EYS: variants seen among roughly 807,000 people sequenced by gnomAD.
The protein encoded by EYS is protein eyes shut homolog.
In EYS, 250 loss-of-function variants were observed where a neutral mutation model predicts 282.1. That is an observed-to-expected ratio of 0.89 (90% CI 0.80 to 0.98). The LOEUF (loss-of-function observed/expected upper bound fraction) is 0.98, where lower values mean the gene tolerates loss of function less well. Among genes scored for constraint, EYS ranks in the 50% least tolerant of loss-of-function variants. EYS has a pLI of 0.00. For missense variants in EYS, 4,016 were observed against 3,709.0 expected (o/e 1.08, Z -2.15); for synonymous variants, 1,355 against 1,282.9 (o/e 1.06, Z -1.20).
At chr6:65,123,750 C>G (rs1343635528) in intron 12 of EYS, among the ~76,000 whole-genome samples, 2 of 140,776 alleles carry the variant, frequency 1.4e-5, no homozygotes, top group African/African-American at 5.8e-5. Flanking sequence ...CTTATAACAC[C>G]CACCCACCCA....
chr6:64,789,956 G>A (rs1203948363), intron 22 of EYS, among the ~76,000 whole-genome samples: 1 of 151,748 alleles, frequency 6.6e-6, no homozygotes, highest in Non-Finnish European at 1.5e-5. Flanking sequence ...CTAGTTTGTG[G>A]TGGGAAGCAA....
intron 31 of EYS, among the ~76,000 whole-genome samples, chr6:64,147,863 A>G (rs982388718): frequency 6.6e-6 from 1 of 152,196 alleles, no homozygotes; most frequent in Non-Finnish European, 1.5e-5. Flanking sequence ...GATGGAGTGC[A>G]GCTTCCCTGC....
chr6:64,840,819 TAC>T (rs139379467), intron 19 of EYS, among the ~76,000 whole-genome samples: 8,829 of 152,218 alleles, frequency 0.058, 263 homozygotes, highest in East Asian at 0.1. Context: ...TGTCCAATAC[TAC>T]AGTTTTCAGC....
intron 36 of EYS, among the ~76,000 whole-genome samples, chr6:63,839,066 GA>G (rs1348587389): frequency 6.6e-6 from 1 of 152,058 alleles, no homozygotes; most frequent in Non-Finnish European, 1.5e-5. Flanking sequence ...TTTCTGTTGG[GA>G]AGAGTCAAAA....
At chr6:64,293,828 CAG>C (rs1331116785) in intron 30 of EYS, among the ~76,000 whole-genome samples, 1 of 151,998 alleles carries the variant, frequency 6.6e-6, no homozygotes, top group Non-Finnish European at 1.5e-5. Context: ...TAAGGCTATT[CAG>C]AGAGTCATTA....
chr6:63,931,439 C>T (rs888917703), intron 35 of EYS, among the ~76,000 whole-genome samples: 1 of 152,142 alleles, frequency 6.6e-6, no homozygotes, highest in African/African-American at 2.4e-5. Context: ...ATCTTTTGTT[C>T]TTTTTGTAAT....
At chr6:65,364,157 C>A (rs1310496478) in intron 8 of EYS, among the ~76,000 whole-genome samples, 1 of 150,606 alleles carries the variant, frequency 6.6e-6, no homozygotes, top group East Asian at 1.9e-4. Flanking sequence ...TGATACATCA[C>A]ATCATTTGAT....
rs1582930224 is a variant in EYS at position 64,591,595 on chromosome 6, C to T, written c.4272G>A (p.Thr1424=). 3 of 1,550,938 alleles carry T rather than the reference C, an allele frequency of 1.9e-6. No individual in the cohort carries two copies. Among genetic ancestry groups the T allele is most frequent in the Admixed American group, 2.0e-5 (1 of 50,918 alleles). ...CQTVALSATP[T]TSVIRSIPGA... is the part of the protein sequence containing the mutation. ...CTGGAATGCTTCTAATTACTGAAGTCGTTGGGGTAGCAGATAAAGCAACAG... is the reference window on the plus strand; with the variant it reads ...CTGGAATGCTTCTAATTACTGAAGTTGTTGGGGTAGCAGATAAAGCAACAG... The change falls in exon 26 of 43, where the codon ACG becomes ACA. Residue 1424 remains threonine (T), a synonymous_variant. Transcript: ENST00000503581.
At chr6:64,305,686 C>A (rs1193113745) in intron 30 of EYS, among the ~76,000 whole-genome samples, 2 of 152,102 alleles carry the variant, frequency 1.3e-5, no homozygotes, top group Non-Finnish European at 2.9e-5. Context: ...CCACATACAA[C>A]AGAATGACCC....
chr6:64,698,608 C>T (rs890350007), intron 22 of EYS, among the ~76,000 whole-genome samples: 9 of 151,640 alleles, frequency 5.9e-5, no homozygotes, highest in East Asian at 3.9e-4. Context: ...TAATATGGAC[C>T]GTCTATAAGA....
intron 22 of EYS, among the ~76,000 whole-genome samples, chr6:64,697,427 G>T (rs974883595): frequency 2.0e-5 from 3 of 152,150 alleles, no homozygotes; most frequent in Admixed American, 6.5e-5. Flanking sequence ...AGACAGCAAT[G>T]CAATCATATT....
chr6:65,448,093 T>C lies in EYS; in HGVS notation c.862+42501A>G, dbSNP rs943375761. On this transcript the variant is annotated intron_variant, in intron 5 of 42. Coordinates refer to ENST00000503581, the MANE Select transcript of EYS (RefSeq NM_001142800.2). Reference sequence around the variant, plus strand: ...ATTTTTCTTTGTTCAGACAAATTATTTGAGGGAAGTTAAACATCACTTGCC... The same window carrying C: ...ATTTTTCTTTGTTCAGACAAATTATCTGAGGGAAGTTAAACATCACTTGCC... Among the ~76,000 whole-genome samples the C allele has an allele frequency of 4.8e-4, 73 of 151,998 alleles. 2 individuals are homozygous for C. Among genetic ancestry groups the C allele is most frequent in the Admixed American group, 4.8e-3 (73 of 15,214 alleles).
intron 35 of EYS, among the ~76,000 whole-genome samples, chr6:63,928,791 C>G (rs1436592029): frequency 6.6e-6 from 1 of 152,104 alleles, no homozygotes; most frequent in African/African-American, 2.4e-5. Flanking sequence ...TGATACCCTA[C>G]CAAGCTTCCT....
At position 65,698,114 on chromosome 6, in the gene EYS, A is replaced by C. The variant is rs760710514; in HGVS notation, c.-448+9021T>G. ...TGGGGGAAGGAATGTATTATTTCAA[A>C]TACGGTATCTGGGAAATACTTATTT... is the stretch of plus-strand genomic sequence containing the variant. On this transcript the variant is annotated intron_variant, in intron 1 of 42. Coordinates refer to ENST00000503581, the MANE Select transcript of EYS (RefSeq NM_001142800.2). Among the ~76,000 whole-genome samples the C allele has an allele frequency of 6.6e-5, 10 of 152,138 alleles. No individual in the cohort carries two copies. In the South Asian group the frequency reaches 2.1e-3, roughly 31 times the overall value.
At chr6:64,332,368 TG>T (rs1770679520) in intron 29 of EYS, among the ~76,000 whole-genome samples, 1 of 152,138 alleles carries the variant, frequency 6.6e-6, no homozygotes, top group African/African-American at 2.4e-5. Context: ...AATACAAGGG[TG>T]GGTAAGGAAA....
intron 13 of EYS, among the ~76,000 whole-genome samples, chr6:65,006,372 C>A (rs1464947985): frequency 2.0e-5 from 3 of 151,916 alleles, no homozygotes; most frequent in African/African-American, 7.3e-5. Context: ...ATCCTTAACC[C>A]AGTAACCCAC....
intron 14 of EYS, among the ~76,000 whole-genome samples, chr6:64,965,787 A>T (rs1770074588): frequency 6.6e-6 from 1 of 152,188 alleles, no homozygotes; most frequent in Non-Finnish European, 1.5e-5. Context: ...ATTAAGATAC[A>T]GCTACCTACA....
chr6:64,006,420 C>A (rs568927630), intron 33 of EYS, among the ~76,000 whole-genome samples: 17 of 152,148 alleles, frequency 1.1e-4, no homozygotes, highest in African/African-American at 2.4e-4. Context: ...GGTATAGAAT[C>A]AATTGTCTGC....
chr6:64,294,684 C>A (rs1184139704), intron 30 of EYS, among the ~76,000 whole-genome samples: 1 of 152,140 alleles, frequency 6.6e-6, no homozygotes, highest in Non-Finnish European at 1.5e-5. Flanking sequence ...TGTGGTTATA[C>A]TTGCACTGAT....
Sources: gnomAD v4.1 joint callset for allele counts (sites outside exome capture counted in the v4.1 genomes callset) on GRCh38, gnomAD v4.1.1 for gene constraint, MANE v1.5 for transcripts, NCBI Gene and HGNC (gene_info 2026-07-23, HGNC 2026-07-21) for gene names.